Variants in PAPSS2 observed in about 807,000 individuals in gnomAD.
PAPSS2 encodes bifunctional 3'-phosphoadenosine 5'-phosphosulfate synthase 2.
PAPSS2 carries 61 observed loss-of-function variants against 66.5 expected under a neutral mutation model. The ratio of observed to expected loss-of-function variants is 0.92; its 90% confidence interval spans 0.75 to 1.14. The LOEUF (loss-of-function observed/expected upper bound fraction) is 1.14, where lower values mean the gene tolerates loss of function less well. PAPSS2 is among the 50% of genes most tolerant of loss of function. PAPSS2 has a pLI of 0.00. For missense variants in PAPSS2, 708 were observed against 789.6 expected (o/e 0.90, Z 1.24); for synonymous variants, 289 against 287.5 (o/e 1.01, Z -0.05).
chr10:87,730,070 T>C (rs1853710338), intron 9 of PAPSS2, among the ~76,000 whole-genome samples: 1 of 152,210 alleles, frequency 6.6e-6, no homozygotes, highest in Non-Finnish European at 1.5e-5. Context: ...AAGGAAAAGT[T>C]CTTGAAGGAA....
chr10:87,682,590 G>A lies in PAPSS2; in HGVS notation c.27+22582G>A, dbSNP rs562397295. 4.5e-4 allele frequency among the ~76,000 whole-genome samples: 68 copies of A among 151,868 alleles called. 1 individual carries two copies. The highest frequency in any genetic ancestry group is 1.5e-3 in the African/African-American group (61 of 41,346). On this transcript the variant is annotated intron_variant, in intron 1 of 12. Transcript: ENST00000456849. ...GAGAAAAGTTATGAAGCATGGCATC[G>A]AAAGAGGTTAGAAAAAAAAAATTCA...
intron 8 of PAPSS2, among the ~76,000 whole-genome samples, chr10:87,722,932 T>C (rs1454766101): frequency 6.6e-6 from 1 of 152,184 alleles, no homozygotes; most frequent in Non-Finnish European, 1.5e-5. Flanking sequence ...CAGAGTGTTA[T>C]TTAGTCATTT....
intron 8 of PAPSS2, among the ~76,000 whole-genome samples, chr10:87,723,794 C>T (rs1853625317): frequency 6.6e-6 from 1 of 152,132 alleles, no homozygotes; most frequent in South Asian, 2.1e-4. Context: ...GAGTCTTATG[C>T]CCCGAAGGAA....
intron 1 of PAPSS2, among the ~76,000 whole-genome samples, chr10:87,707,160 C>T (rs185243646): frequency 2.6e-5 from 4 of 152,330 alleles, no homozygotes; most frequent in Admixed American, 2.6e-4. Context: ...CCTTTCTTAA[C>T]ACCCCTAAAG....
intron 4 of PAPSS2, among the ~76,000 whole-genome samples, 193 bp from the exon 5 acceptor site, chr10:87,714,552 G>A (rs1466559023): frequency 2.6e-5 from 4 of 152,044 alleles, no homozygotes; most frequent in East Asian, 1.9e-4. Flanking sequence ...GACAATTTGG[G>A]GCTTTCCATA....
chr10:87,726,094 A>G (rs972879157), intron 8 of PAPSS2, among the ~76,000 whole-genome samples: 2 of 152,178 alleles, frequency 1.3e-5, no homozygotes, highest in Admixed American at 6.5e-5. Flanking sequence ...AATAGAATGA[A>G]TAAGATCTAG....
intron 9 of PAPSS2, among the ~76,000 whole-genome samples, chr10:87,737,691 G>A (rs1355582592): frequency 6.6e-6 from 1 of 152,052 alleles, no homozygotes; most frequent in African/African-American, 2.4e-5. Context: ...CAGGTGTGGT[G>A]GCATGCTTGT....
chr10:87,671,759 C>A, intron 1 of PAPSS2, among the ~76,000 whole-genome samples: 1 of 152,012 alleles, frequency 6.6e-6, no homozygotes, highest in Admixed American at 6.6e-5. Context: ...TAACCAGAAC[C>A]AATTGAGAAA....
intron 3 of PAPSS2, 130 bp downstream of exon 3, chr10:87,713,440 T>C (rs904720766): frequency 1.5e-5 from 10 of 661,662 alleles, no homozygotes; most frequent in Non-Finnish European, 2.6e-5. Context: ...TTCCCGACTA[T>C]TTCTTCCCCC....
chr10:87,696,859 T>C (rs1448115476), intron 1 of PAPSS2, among the ~76,000 whole-genome samples: 1 of 152,236 alleles, frequency 6.6e-6, no homozygotes, highest in Non-Finnish European at 1.5e-5. Flanking sequence ...TTAGAAGTTT[T>C]GGATTTACAG....
chr10:87,700,139 G>A (rs1307115168), intron 1 of PAPSS2, among the ~76,000 whole-genome samples: 1 of 151,998 alleles, frequency 6.6e-6, no homozygotes, highest in Non-Finnish European at 1.5e-5. Context: ...TTAATTGATG[G>A]ACATTTTTAT....
chr10:87,731,695 G>T (rs1247502600), intron 9 of PAPSS2, among the ~76,000 whole-genome samples: 1 of 152,160 alleles, frequency 6.6e-6, no homozygotes, highest in Non-Finnish European at 1.5e-5. Flanking sequence ...GACTTTGAGG[G>T]GTTCAAGACT....
intron 9 of PAPSS2, among the ~76,000 whole-genome samples, chr10:87,734,433 C>T (rs1262657608): frequency 1.3e-5 from 2 of 151,718 alleles, no homozygotes; most frequent in East Asian, 1.9e-4. Context: ...ATATGGGGGC[C>T]ACTGATGAGA....
At chr10:87,744,414 A>G (rs1003752517) in intron 11 of PAPSS2, among the ~76,000 whole-genome samples, 14 of 152,240 alleles carry the variant, frequency 9.2e-5, no homozygotes, top group Admixed American at 4.6e-4. Flanking sequence ...GGCTGCAAGT[A>G]TGATGAATAG....
intron 1 of PAPSS2, among the ~76,000 whole-genome samples, chr10:87,662,064 G>A (rs11202496): frequency 0.38 from 57,657 of 152,024 alleles, 11,384 homozygotes; most frequent in East Asian, 0.49. Context: ...CTAATCAATT[G>A]TTTGATAAGT....
At chr10:87,724,283 CA>C (rs925601538) in intron 8 of PAPSS2, among the ~76,000 whole-genome samples, 19 of 148,352 alleles carry the variant, frequency 1.3e-4, no homozygotes, top group African/African-American at 3.5e-4. Flanking sequence ...AGTATTCACT[CA>C]AAAAAAAAGA....
At chr10:87,689,108 A>C (rs573470320) in intron 1 of PAPSS2, among the ~76,000 whole-genome samples, 1 of 152,102 alleles carries the variant, frequency 6.6e-6, no homozygotes, top group East Asian at 1.9e-4. Flanking sequence ...TGGGAGTCCA[A>C]GGCGGGTGGA....
At chr10:87,742,508 ATTTCTCAAGTT>A (rs1469988179) in intron 10 of PAPSS2, among the ~76,000 whole-genome samples, 2 of 152,098 alleles carry the variant, frequency 1.3e-5, no homozygotes. Context: ...GCTTTTCTGT[ATTTCTCAAGTT>A]TTTCATTATA....
chr10:87,736,292 G>T (rs1388089398), intron 9 of PAPSS2, among the ~76,000 whole-genome samples: 4 of 118,936 alleles, frequency 3.4e-5, no homozygotes, highest in Admixed American at 3.1e-4. Context: ...TTTTGAGACA[G>T]AGTCTTACTC....
Sources: allele counts gnomAD v4.1 joint callset (sites outside exome capture counted in the v4.1 genomes callset), GRCh38; gene constraint gnomAD v4.1.1; transcripts MANE v1.5; gene names NCBI Gene and HGNC (gene_info 2026-07-23, HGNC 2026-07-21).